ADAMTSL1: variants seen among roughly 807,000 people sequenced by gnomAD.
ADAMTSL1 encodes the protein ADAMTS like 1, also known as ADAMTS-like protein 1.
Under a neutral mutation model 201.8 loss-of-function variants are expected in ADAMTSL1, and 126 were observed. That is an observed-to-expected ratio of 0.62 (90% CI 0.54 to 0.72). The LOEUF (loss-of-function observed/expected upper bound fraction) is 0.72. ADAMTSL1 is among the 30% of genes least tolerant of loss of function. The pLI, the probability that ADAMTSL1 is intolerant of heterozygous loss-of-function variation, is 0.00. For missense variants in ADAMTSL1, 2,679 were observed against 2,277.8 expected, an observed-to-expected ratio of 1.18 and a Z score of -3.59; for synonymous variants, 1,121 against 903.4, an observed-to-expected ratio of 1.24 and a Z score of -4.32.
At chr9:18,239,997 G>A (rs1396512877) in intron 2 of ADAMTSL1, among the ~76,000 whole-genome samples, 1 of 152,074 alleles carries the variant, frequency 6.6e-6, no homozygotes, top group Non-Finnish European at 1.5e-5. Flanking sequence ...ATCCATTAGG[G>A]TTGGCATCAA....
intron 2 of ADAMTSL1, among the ~76,000 whole-genome samples, chr9:18,211,938 A>G (rs973056966): frequency 6.6e-6 from 1 of 152,192 alleles, no homozygotes; most frequent in Non-Finnish European, 1.5e-5. Flanking sequence ...CCCTGTTTTC[A>G]TGACAGTGTT....
chr9:18,316,967 G>C (rs908511680), intron 2 of ADAMTSL1, among the ~76,000 whole-genome samples: 1 of 152,126 alleles, frequency 6.6e-6, no homozygotes, highest in Non-Finnish European at 1.5e-5. Flanking sequence ...GCCAAGATAT[G>C]GAAATGACCT....
chr9:18,135,982 A>T (rs114341719), intron 1 of ADAMTSL1, among the ~76,000 whole-genome samples: 1,831 of 152,280 alleles, frequency 0.012, 41 homozygotes, highest in African/African-American at 0.042. Context: ...TCCAAGGCAC[A>T]GATTAGTTCA....
rs890224642 is a variant in ADAMTSL1, at chr9:18,897,851, G to A, written c.4851+5255G>A. 6.4e-4 allele frequency among the ~76,000 whole-genome samples: 97 copies of A among 152,292 alleles called. 1 individual carries two copies. The highest frequency in any genetic ancestry group is 6.8e-3 in the Middle Eastern group (2 of 294). Reference sequence around the variant, plus strand: ...AAGGGCACAGAAGTGGGCTGAGGCTGAGATGGTTGAATTGACATAAGTTGG... The same window carrying A: ...AAGGGCACAGAAGTGGGCTGAGGCTAAGATGGTTGAATTGACATAAGTTGG... On this transcript the variant is annotated intron_variant, in intron 26 of 28. Transcript: ENST00000380548.
intron 23 of ADAMTSL1, among the ~76,000 whole-genome samples, chr9:18,887,116 C>G (rs79101613): frequency 0.032 from 4,830 of 152,312 alleles, 123 homozygotes; most frequent in Non-Finnish European, 0.051. Context: ...ACAGCAAATT[C>G]AGCAAGTACC....
rs75547186 is a variant in ADAMTSL1 at position 18,532,394 on chromosome 9, A to T, written c.192-853A>T. On this transcript the variant is annotated intron_variant, in intron 2 of 28. Coordinates refer to ENST00000380548, the MANE Select transcript of ADAMTSL1 (RefSeq NM_001040272.6). ...TCAAAAAACACAGTCAGAAACTTTGATAAAACACATGCACAAAGATGGTTT... is the reference window on the plus strand; with the variant it reads ...TCAAAAAACACAGTCAGAAACTTTGTTAAAACACATGCACAAAGATGGTTT... Among the ~76,000 whole-genome samples the T allele has an allele frequency of 8.4e-3, 1,285 of 152,300 alleles. 15 individuals carry two copies. The highest frequency in any genetic ancestry group is 0.042 in the East Asian group (217 of 5,182).
rs1587971947 is a variant in ADAMTSL1, at chr9:18,717,355, G to A, written c.1877-4181G>A. On this transcript the variant is annotated intron_variant, in intron 14 of 28. Transcript: ENST00000380548. ...CAACAGATATTAAAGGCAATCTGTT[G>A]AAGACATTATACTGAAAGGACTATC... is the stretch of plus-strand genomic sequence containing the variant. Among the ~76,000 whole-genome samples, 3 of 151,908 alleles carry A rather than the reference G, an allele frequency of 2.0e-5. 1 individual carries two copies. The Middle Eastern group carries it at 0.01, about 520-fold the overall frequency.
At chr9:18,517,494 T>A (rs1009195167) in intron 2 of ADAMTSL1, among the ~76,000 whole-genome samples, 1 of 152,024 alleles carries the variant, frequency 6.6e-6, no homozygotes, top group African/African-American at 2.4e-5. Context: ...TGTATACATG[T>A]GCCATGCTGG....
intron 26 of ADAMTSL1, among the ~76,000 whole-genome samples, chr9:18,897,310 A>G (rs543876665): frequency 6.6e-6 from 1 of 152,202 alleles, no homozygotes; most frequent in African/African-American, 2.4e-5. Flanking sequence ...GAGTCCAGGC[A>G]GTCTGGACAA....
chr9:18,549,839 C>G (rs369980599), intron 3 of ADAMTSL1, among the ~76,000 whole-genome samples: 1 of 151,966 alleles, frequency 6.6e-6, no homozygotes, highest in Non-Finnish European at 1.5e-5. Context: ...AAAAAGTAAT[C>G]TGGGGTCCAG....
chr9:18,692,649 C>A (rs1261436254), intron 13 of ADAMTSL1, among the ~76,000 whole-genome samples: 1 of 152,066 alleles, frequency 6.6e-6, no homozygotes. Flanking sequence ...GGGAAAGAAA[C>A]CTCACAAAAT....
At chr9:18,175,155 C>G (rs1342230790) in intron 2 of ADAMTSL1, among the ~76,000 whole-genome samples, 1 of 152,136 alleles carries the variant, frequency 6.6e-6, no homozygotes, top group Non-Finnish European at 1.5e-5. Context: ...TTCCAACTGG[C>G]TGTGAGACTT....
In ADAMTSL1 at chr9:18,333,967, T is replaced by C. The variant is rs116587045; in HGVS notation, c.207+169986T>C. Among the ~76,000 whole-genome samples the C allele has an allele frequency of 5.5e-3, 844 of 152,194 alleles. 9 individuals carry two copies. The highest frequency in any genetic ancestry group is 0.02 in the African/African-American group (815 of 41,544). ...AGAGGCCCCAATTCTAAGAATCAAC[T>C]AGCTTCACAAGCAACCCAGAGAAGA... On this transcript the variant is annotated intron_variant, in intron 2 of 29. Coordinates refer to the ADAMTSL1 transcript ENST00000680146.
chr9:18,835,452 T>G (rs948520777), intron 23 of ADAMTSL1, among the ~76,000 whole-genome samples: 2 of 152,052 alleles, frequency 1.3e-5, no homozygotes, highest in Non-Finnish European at 1.5e-5. Context: ...TTACAAAGAG[T>G]AGAAGATTTT....
chr9:18,430,593 T>A (rs1819443901), intron 2 of ADAMTSL1, among the ~76,000 whole-genome samples: 1 of 152,166 alleles, frequency 6.6e-6, no homozygotes, highest in Non-Finnish European at 1.5e-5. Context: ...ACTCCTGGGA[T>A]CTCATCCCAA....
At chr9:18,580,609 T>C (rs1162376952) in intron 4 of ADAMTSL1, among the ~76,000 whole-genome samples, 2 of 152,236 alleles carry the variant, frequency 1.3e-5, no homozygotes, top group Non-Finnish European at 2.9e-5. Flanking sequence ...TGAATCTTGT[T>C]TATGCATTCT....
rs547216353 is a variant in ADAMTSL1, at chr9:17,985,038, T to C, written c.87+78116T>C. ...CATGTAGGAAGACCTCTGTAGGTAA[T>C]TGTTTTCTGTATTTTAAAATAGGAA... On this transcript the variant is annotated intron_variant, in intron 1 of 29. Coordinates refer to the ADAMTSL1 transcript ENST00000680146. 1.4e-3 allele frequency among the ~76,000 whole-genome samples: 220 copies of C among 152,228 alleles called. 1 individual carries two copies. The highest frequency in any genetic ancestry group is 4.6e-3 in the African/African-American group (193 of 41,566).
chr9:18,589,750 C>T lies in ADAMTSL1; in HGVS notation c.474+15484C>T, dbSNP rs116558788. Among the ~76,000 whole-genome samples the T allele has an allele frequency of 1.7e-3, 266 of 152,182 alleles. 2 individuals are homozygous for T. Among genetic ancestry groups the T allele is most frequent in the African/African-American group, 6.2e-3 (257 of 41,532 alleles). ...CATGTAGAGGTAATTTCCTTCTATA[C>T]CCAATTTGTTGAGGGTTTTTGTCAT... On this transcript the variant is annotated intron_variant, in intron 4 of 28. Transcript: ENST00000380548.
chr9:17,975,427 C>T (rs1432394523), intron 1 of ADAMTSL1, among the ~76,000 whole-genome samples: 1 of 152,018 alleles, frequency 6.6e-6, no homozygotes, highest in Admixed American at 6.6e-5. Context: ...TAAATGTCAT[C>T]TTCTAGCTGT....
Sources: allele counts gnomAD v4.1 joint callset (sites outside exome capture counted in the v4.1 genomes callset), GRCh38; gene constraint gnomAD v4.1.1; transcripts MANE v1.5; gene names NCBI Gene and HGNC (gene_info 2026-07-23, HGNC 2026-07-21).